The following LIPH variants were observed in gnomAD, a reference collection of about 807,000 sequenced individuals.
LIPH encodes the protein lipase member H.
A neutral mutation model predicts 47.6 loss-of-function variants in LIPH; 32 were observed. The observed-to-expected ratio is 0.67, with a 90% confidence interval of 0.51 to 0.90. The LOEUF (loss-of-function observed/expected upper bound fraction) is 0.90. Among genes scored for constraint, LIPH ranks in the 40% least tolerant of loss-of-function variants. LIPH has a pLI of 0.00. For synonymous variants in LIPH, 190 were observed against 195.6 expected, an observed-to-expected ratio of 0.97 and a Z score of 0.24; for missense variants, 497 against 541.4, an observed-to-expected ratio of 0.92 and a Z score of 0.81.
chr3:185,547,278 A>T (rs1350650215), intron 1 of LIPH, among the ~76,000 whole-genome samples: 1 of 152,200 alleles, frequency 6.6e-6, no homozygotes, highest in Non-Finnish European at 1.5e-5. Flanking sequence ...TTCATGTAGG[A>T]CATGACAGAA....
chr3:185,530,951 G>C (rs1350927484), intron 3 of LIPH, among the ~76,000 whole-genome samples: 1 of 152,160 alleles, frequency 6.6e-6, no homozygotes, highest in African/African-American at 2.4e-5. Context: ...AACATCTGAA[G>C]CAGGACAGTT....
chr3:185,546,352 C>CAAA (rs56984831), intron 1 of LIPH, among the ~76,000 whole-genome samples: 3 of 60,550 alleles, frequency 5.0e-5, no homozygotes, highest in African/African-American at 1.8e-4. Flanking sequence ...GACTCCGTCT[C>CAAA]AAAAAAAAAA....
At chr3:185,523,240 G>C (rs1719961242) in intron 5 of LIPH, among the ~76,000 whole-genome samples, 1 of 152,118 alleles carries the variant, frequency 6.6e-6, no homozygotes, top group African/African-American at 2.4e-5. Flanking sequence ...TTTCAAGAGA[G>C]AGAAATAATT....
At chr3:185,534,647 A>G in intron 2 of LIPH, 118 bp downstream of exon 2, 1 of 1,022,226 alleles carries the variant, frequency 9.8e-7, no homozygotes, top group Non-Finnish European at 1.5e-6. Context: ...GCTTATTCAC[A>G]TTTGCAAAAT....
Position 185,506,699 on chromosome 3 carries a change from T to TG in LIPH, c.*2090dup, listed in dbSNP as rs1719386776. ...AAATACAAAAATTAGCCAGGCATGG[T>TG]GGGGGCGCCTGTAATCCCAGCTACT... On this transcript the variant is annotated 3_prime_UTR_variant, in exon 10 of 10. Transcript: ENST00000296252. The TG allele has an allele frequency of 6.6e-6, 1 of 151,382 alleles. No individual in the cohort carries two copies. The highest frequency in any genetic ancestry group is 1.5e-5 in the Non-Finnish European group (1 of 67,856). 9.4% of individuals were successfully genotyped at this position (151,382 alleles called of 1,614,324 possible).
chr3:185,527,904 G>GA (rs1211880812), intron 3 of LIPH, among the ~76,000 whole-genome samples: 1 of 150,034 alleles, frequency 6.7e-6, no homozygotes, highest in Non-Finnish European at 1.5e-5. Flanking sequence ...CGGTCCCCAG[G>GA]AAAAAAGCAC....
intron 9 of LIPH, among the ~76,000 whole-genome samples, chr3:185,510,552 A>C (rs1329956986): frequency 6.6e-6 from 1 of 152,176 alleles, no homozygotes; most frequent in African/African-American, 2.4e-5. Flanking sequence ...GGACATTTTC[A>C]GTGCCATTAT....
At chr3:185,528,323 G>GAAAGAAAGAAAGAAAGAAAGA in intron 3 of LIPH, among the ~76,000 whole-genome samples, 12 of 125,604 alleles carry the variant, frequency 9.6e-5, no homozygotes, top group African/African-American at 3.1e-4. Flanking sequence ...AAGAAAGAAA[G>GAAAGAAAGAAAGAAAGAAAGA]AAGAAAGAAA....
intron 1 of LIPH, among the ~76,000 whole-genome samples, chr3:185,542,323 CT>C (rs113312470): frequency 3.3e-4 from 48 of 145,070 alleles, no homozygotes; most frequent in Non-Finnish European, 3.2e-4. Flanking sequence ...TTTCTTTTTT[CT>C]TTTTTTTTTT....
At chr3:185,517,018 C>A in intron 7 of LIPH, 49 bp downstream of exon 7, 1 of 1,197,004 alleles carries the variant, frequency 8.4e-7, no homozygotes, top group Admixed American at 1.7e-5. Context: ...ACTCAGCCAT[C>A]CCCAAAATGA....
At chr3:185,527,712 T>A (rs1720155316) in intron 3 of LIPH, 127 bp from the exon 4 acceptor site, 1 of 696,122 alleles carries the variant, frequency 1.4e-6, no homozygotes, top group Non-Finnish European at 2.6e-6. Flanking sequence ...GCGCTCACAC[T>A]CCCGTCCCAC....
At chr3:185,543,770 C>T (rs1222494697) in intron 1 of LIPH, among the ~76,000 whole-genome samples, 1 of 150,694 alleles carries the variant, frequency 6.6e-6, no homozygotes, top group South Asian at 2.1e-4. Context: ...AGTTTTAGTT[C>T]TATAAAGTAC....
At chr3:185,523,784 G>A (rs185117000) in intron 5 of LIPH, among the ~76,000 whole-genome samples, 312 of 137,946 alleles carry the variant, frequency 2.3e-3, no homozygotes, top group African/African-American at 6.5e-3. Context: ...GTGCAGTGGC[G>A]TGAACTCGGC....
At chr3:185,547,779 C>T (rs1248840813) in intron 1 of LIPH, among the ~76,000 whole-genome samples, 1 of 150,382 alleles carries the variant, frequency 6.6e-6, no homozygotes, top group Admixed American at 6.6e-5. Context: ...GAGCCGAGAT[C>T]GCGCCACTGC....
chr3:185,529,987 A>AGAGAGAGG lies in LIPH; in HGVS notation c.527-2403_527-2402insCCTCTCTC, dbSNP rs113097880. ...GAAGGAAAGAAAGAAAGAGAGAGAG[A>AGAGAGAGG]GAGAAAATAAGCAGTGCCTGGCGCG... On this transcript the variant is annotated intron_variant, in intron 3 of 9. Coordinates refer to ENST00000296252, the MANE Select transcript of LIPH (RefSeq NM_139248.3). 9.9e-4 allele frequency among the ~76,000 whole-genome samples: 148 copies of AGAGAGAGG among 149,480 alleles called. 1 individual carries two copies. Among genetic ancestry groups the AGAGAGAGG allele is most frequent in the South Asian group, 1.9e-3 (9 of 4,642 alleles).
At chr3:185,530,089 G>C (rs1179969517) in intron 3 of LIPH, among the ~76,000 whole-genome samples, 1 of 152,122 alleles carries the variant, frequency 6.6e-6, no homozygotes, top group Admixed American at 6.6e-5. Flanking sequence ...GAGCTGAGAG[G>C]ATGGCTTGAG....
chr3:185,543,695 C>T (rs1025145285), intron 1 of LIPH, among the ~76,000 whole-genome samples: 26 of 152,182 alleles, frequency 1.7e-4, no homozygotes, highest in African/African-American at 6.3e-4. Flanking sequence ...GCCTGGGCAA[C>T]ATAGCAAGAC....
chr3:185,524,025 A>G, intron 5 of LIPH, 46 bp downstream of exon 5: 2 of 1,361,854 alleles, frequency 1.5e-6, no homozygotes, highest in Non-Finnish European at 2.1e-6. Context: ...CACAGCCTCC[A>G]AATATGCCTT....
intron 1 of LIPH, among the ~76,000 whole-genome samples, chr3:185,546,331 C>T (rs1008933085): frequency 2.5e-4 from 34 of 137,146 alleles, no homozygotes; most frequent in Non-Finnish European, 1.1e-4. Context: ...TTAGCCTGGA[C>T]GACAGAGTAA....
Sources: gnomAD v4.1 joint callset for allele counts (sites outside exome capture counted in the v4.1 genomes callset) on GRCh38, gnomAD v4.1.1 for gene constraint, MANE v1.5 for transcripts, NCBI Gene and HGNC (gene_info 2026-07-23, HGNC 2026-07-21) for gene names.